Variants in KIRREL3 observed in about 807,000 individuals in gnomAD.
The protein encoded by KIRREL3 is kin of IRRE-like protein 3.
A neutral mutation model predicts 89.7 loss-of-function variants in KIRREL3; 36 were observed. The observed-to-expected ratio is 0.40, with a 90% CI of 0.31 to 0.53. KIRREL3 has a LOEUF of 0.53. KIRREL3 is among the 20% of genes least tolerant of loss of function. The pLI is 0.49. For missense variants in KIRREL3, 864 were observed against 1,056.6 expected, an observed-to-expected ratio of 0.82 and a Z score of 2.53; for synonymous variants, 445 against 441.4, an observed-to-expected ratio of 1.01 and a Z score of -0.10.
In KIRREL3 at chr11:126,883,370, G is replaced by T. The variant is rs926626985; in HGVS notation, c.55+117085C>A. Among the ~76,000 whole-genome samples, 1 of 152,076 alleles carries T rather than the reference G, an allele frequency of 6.6e-6. No homozygotes were observed. The highest frequency in any genetic ancestry group is 1.5e-5 in the Non-Finnish European group (1 of 68,036). ...CTCTTCCCAACAAATGCTCATTGTC[G>T]CACTTCCTGTCACCTCTCTCTCCTG... On this transcript the variant is annotated intron_variant, in intron 1 of 16. Transcript: ENST00000525144. This position sits in a 1 kb window ranked among gnomAD's most constrained non-coding sequence, Gnocchi z 4.1.
rs950796100 is a variant in KIRREL3 at position 126,655,035 on chromosome 11, C to G, written c.56-92123G>C. Among the ~76,000 whole-genome samples, 10 of 152,198 alleles carry G rather than the reference C, an allele frequency of 6.6e-5. No homozygotes were observed. The highest frequency in any genetic ancestry group is 1.2e-4 in the Non-Finnish European group (8 of 68,038). On this transcript the variant is annotated intron_variant, in intron 1 of 16. Transcript: ENST00000525144. The surrounding 1 kb of genome is among the most constrained non-coding windows in gnomAD (Gnocchi z 5.0). ...CACCGAAAGATGTTCCTAGCTGGCA[C>G]AGGCTGTGCTGAACACAGGTCTCAC... is the stretch of plus-strand genomic sequence containing the variant.
rs761748431 is a variant in KIRREL3 at position 126,519,901 on chromosome 11, C to T, written c.433+1414G>A. On this transcript the variant is annotated intron_variant, in intron 4 of 16. Transcript: ENST00000525144. The surrounding 1 kb of genome is among the most constrained non-coding windows in gnomAD (Gnocchi z 4.3). ...TGCCTTTAATACCCCAATTACTCCT[C>T]GGAAGGCCCGCTTCCCGGCCATGGA... Among the ~76,000 whole-genome samples the T allele has an allele frequency of 1.3e-5, 2 of 152,148 alleles. No homozygotes were observed. The highest frequency in any genetic ancestry group is 2.9e-5 in the Non-Finnish European group (2 of 68,030).
At chr11:126,456,201 T>G in intron 7 of KIRREL3, 148 bp downstream of exon 7, 1 of 602,474 alleles carries the variant, frequency 1.7e-6, no homozygotes, top group Non-Finnish European at 3.0e-6. Context: ...CAGGCGGGTT[T>G]AAGAGGAAGG....
At position 126,821,329 on chromosome 11, in the gene KIRREL3, G is replaced by GTATATATATATATATATATATA. The variant is rs6144553; in HGVS notation, c.55+179104_55+179125dup. 3.5e-3 allele frequency among the ~76,000 whole-genome samples: 360 copies of GTATATATATATATATATATATA among 103,410 alleles called. 16 individuals are homozygous for GTATATATATATATATATATATA. Among genetic ancestry groups the GTATATATATATATATATATATA allele is most frequent in the African/African-American group, 0.01 (200 of 19,936 alleles). The allele number at this position is 103,410 out of a possible 152,430, so 67.8% of individuals were successfully genotyped here. On this transcript the variant is annotated intron_variant, in intron 1 of 16. Coordinates refer to ENST00000525144, the MANE Select transcript of KIRREL3 (RefSeq NM_032531.4). ...TTTCATGGGTCAACGGATAAACACA[G>GTATATATATATATATATATATA]TATATATATATATATATATATATGT...
chr11:126,423,989 G>C lies in KIRREL3; in HGVS notation c.*591C>G, dbSNP rs941838151. On this transcript the variant is annotated 3_prime_UTR_variant, in exon 17 of 17. Coordinates refer to ENST00000525144, the MANE Select transcript of KIRREL3 (RefSeq NM_032531.4). ...TGGACACAAAACACCAAACAAATTGGGGGTGGGCTCCCGGCCAGCCTGGTG... is the reference window on the plus strand; with the variant it reads ...TGGACACAAAACACCAAACAAATTGCGGGTGGGCTCCCGGCCAGCCTGGTG... 6.3e-6 allele frequency: 1 copy of C among 158,028 alleles called. No homozygotes were observed. The highest frequency in any genetic ancestry group is 1.4e-5 in the Non-Finnish European group (1 of 71,414). 9.8% of individuals were successfully genotyped at this position (158,028 alleles called of 1,614,324 possible). A position where few individuals can be genotyped will look rare whatever the true frequency, so the allele number is the denominator to read the frequency against.
intron 1 of KIRREL3, among the ~76,000 whole-genome samples, chr11:126,926,536 C>T (rs563805105): frequency 1.1e-4 from 17 of 152,156 alleles, no homozygotes; most frequent in Middle Eastern, 3.2e-3. Context: ...AGGGGTGACT[C>T]GGCTGGGCTT....
At chr11:126,775,429 C>T (rs1490142142) in intron 1 of KIRREL3, among the ~76,000 whole-genome samples, 1 of 152,122 alleles carries the variant, frequency 6.6e-6, no homozygotes, top group African/African-American at 2.4e-5. Context: ...AAGGGGGTGC[C>T]CATCTTGACT....
intron 1 of KIRREL3, among the ~76,000 whole-genome samples, chr11:126,799,125 C>A (rs1170785100): frequency 1.5e-5 from 2 of 133,042 alleles, no homozygotes; most frequent in Admixed American, 7.4e-5. Flanking sequence ...TCTGTGTGTG[C>A]GTGTGCATGT....
At chr11:126,517,140 G>C (rs1246639241) in intron 4 of KIRREL3, among the ~76,000 whole-genome samples, 2 of 75,000 alleles carry the variant, frequency 2.7e-5, no homozygotes, top group East Asian at 4.7e-4. Context: ...GAGAGAAAGA[G>C]AGAGAGAGAG....
At chr11:126,818,618 AGTAGTAGTGTGTGTGTGT>A (rs1375666853) in intron 1 of KIRREL3, among the ~76,000 whole-genome samples, 1 of 72,928 alleles carries the variant, frequency 1.4e-5, no homozygotes, top group Non-Finnish European at 3.8e-5. Flanking sequence ...TAGTAGTAGT[AGTAGTAGTGTGTGTGTGT>A]GTGTGTGTGT....
At chr11:126,445,131 C>T (rs1403367472) in intron 9 of KIRREL3, 26 bp from the exon 10 acceptor site, 3 of 1,611,848 alleles carry the variant, frequency 1.9e-6, no homozygotes, top group Non-Finnish European at 2.5e-6. Flanking sequence ...GGCTCAGATG[C>T]CAAGAGCAGG....
rs147504919 is a variant in KIRREL3 at position 126,527,663 on chromosome 11, C to T, written c.134-976G>A. Among the ~76,000 whole-genome samples, 44 of 152,256 alleles carry T rather than the reference C, an allele frequency of 2.9e-4. No individual in the cohort carries two copies. The highest frequency in any genetic ancestry group is 9.4e-4 in the African/African-American group (39 of 41,542). On this transcript the variant is annotated intron_variant, in intron 2 of 16. Transcript: ENST00000525144. This position sits in a 1 kb window ranked among gnomAD's most constrained non-coding sequence, Gnocchi z 4.2. Reference sequence around the variant, plus strand: ...CTCTAGTTATCACCGTGGCAACACTCGAATGGGGCATTGTCAACCCCATTT... The same window carrying T: ...CTCTAGTTATCACCGTGGCAACACTTGAATGGGGCATTGTCAACCCCATTT...
chr11:126,468,866 C>T (rs1308318409), intron 5 of KIRREL3, among the ~76,000 whole-genome samples: 1 of 152,200 alleles, frequency 6.6e-6, no homozygotes, highest in African/African-American at 2.4e-5. Context: ...AGGGTGACAT[C>T]ACCATGTTAT....
chr11:126,657,055 C>CA (rs199814288), intron 1 of KIRREL3, among the ~76,000 whole-genome samples: 2,093 of 145,632 alleles, frequency 0.014, 27 homozygotes, highest in Admixed American at 0.017. Flanking sequence ...GACTGTGTCT[C>CA]AAAAAAAAAG....
At position 126,704,776 on chromosome 11, in the gene KIRREL3, T is replaced by A. The variant is rs755266645; in HGVS notation, c.56-141864A>T. ...TACCTATACCAGTCCAAAGGCTTGA[T>A]ACAGGAACCACATCAGAATTGGTGA... On this transcript the variant is annotated intron_variant, in intron 1 of 16. Coordinates refer to ENST00000525144, the MANE Select transcript of KIRREL3 (RefSeq NM_032531.4). This position sits in a 1 kb window ranked among gnomAD's most constrained non-coding sequence, Gnocchi z 4.2. Among the ~76,000 whole-genome samples the A allele has an allele frequency of 1.5e-4, 23 of 152,180 alleles. No individual in the cohort carries two copies. Among genetic ancestry groups the A allele is most frequent in the Non-Finnish European group, 2.6e-4 (18 of 68,034 alleles).
chr11:126,472,922 C>T (rs1001914968), intron 5 of KIRREL3, among the ~76,000 whole-genome samples: 19 of 144,260 alleles, frequency 1.3e-4, no homozygotes, highest in African/African-American at 4.9e-4. Context: ...CCCATCCAGC[C>T]CCCATTATCC....
At chr11:126,458,596 C>T (rs1280531663) in intron 6 of KIRREL3, among the ~76,000 whole-genome samples, 1 of 152,206 alleles carries the variant, frequency 6.6e-6, no homozygotes, top group Non-Finnish European at 1.5e-5. Flanking sequence ...TGTCTGCAGG[C>T]ACTGGGGAGA....
Position 126,624,994 on chromosome 11 carries a change from A to T in KIRREL3, c.56-62082T>A, listed in dbSNP as rs1411884446. Among the ~76,000 whole-genome samples, 2 of 152,180 alleles carry T rather than the reference A, an allele frequency of 1.3e-5. No individual in the cohort carries two copies. Among genetic ancestry groups the T allele is most frequent in the Non-Finnish European group, 2.9e-5 (2 of 68,040 alleles). The stretch of plus-strand genomic sequence containing the variant: ...GGATGGCATGGGCACGCTTCCCATT[A>T]TGGAAGCTTGCTGGGCCTTAGGAGC... On this transcript the variant is annotated intron_variant, in intron 1 of 16. Coordinates refer to ENST00000525144, the MANE Select transcript of KIRREL3 (RefSeq NM_032531.4). The surrounding 1 kb of genome is among the most constrained non-coding windows in gnomAD (Gnocchi z 6.0).
intron 6 of KIRREL3, among the ~76,000 whole-genome samples, chr11:126,458,398 G>C (rs1956442406): frequency 6.7e-6 from 1 of 149,564 alleles, no homozygotes; most frequent in African/African-American, 2.5e-5. Context: ...GGGGTCCTGA[G>C]ACCCTCAGAG....
Sources: gnomAD v4.1 joint callset for allele counts (sites outside exome capture counted in the v4.1 genomes callset) on GRCh38, gnomAD v4.1.1 for gene constraint, Gnocchi (gnomAD v3.1) non-coding constraint, MANE v1.5 for transcripts, NCBI Gene and HGNC (gene_info 2026-07-23, HGNC 2026-07-21) for gene names.